Variants in PALLD observed in about 807,000 individuals in gnomAD.
The protein encoded by PALLD is palladin, cytoskeletal associated protein.
PALLD carries 61 observed loss-of-function variants against 123.5 expected under a neutral mutation model. That is an observed-to-expected ratio of 0.49 (90% CI 0.40 to 0.61). The LOEUF (loss-of-function observed/expected upper bound fraction) is 0.61, where lower values mean the gene tolerates loss of function less well. Ranked by LOEUF, PALLD falls within the 20% of genes least tolerant of loss-of-function variation. The probability of loss-of-function intolerance (pLI) is 0.00; values close to 1 mark genes in which losing one functional copy is unlikely to be tolerated. For missense variants in PALLD, 1,273 were observed against 1,377.0 expected (o/e 0.92, Z 1.20); for synonymous variants, 465 against 496.4 (o/e 0.94, Z 0.84).
chr4:168,904,827 T>C (rs1170962184), intron 15 of PALLD, among the ~76,000 whole-genome samples: 4 of 152,142 alleles, frequency 2.6e-5, no homozygotes, highest in African/African-American at 7.2e-5. Flanking sequence ...CACTACAAAC[T>C]TTTAATTAAA....
At chr4:168,592,241 G>T (rs183366999) in intron 2 of PALLD, among the ~76,000 whole-genome samples, 17 of 151,960 alleles carry the variant, frequency 1.1e-4, no homozygotes, top group Admixed American at 1.1e-3. Context: ...GGTCAGGCTC[G>T]TGTCGAACTC....
At position 168,894,468 on chromosome 4, in the gene PALLD, A is replaced by C. The variant is rs564531182; in HGVS notation, c.2101-111A>C. The C allele has an allele frequency of 6.5e-4, 477 of 738,026 alleles. 1 individual carries two copies. The highest frequency in any genetic ancestry group is 9.6e-4 in the Non-Finnish European group (400 of 417,770). The allele number at this position is 738,026 out of a possible 1,614,324, so 45.7% of individuals were successfully genotyped here. The stretch of plus-strand genomic sequence containing the variant: ...TGCAGGTATCTGAAGCTGGAGAGAG[A>C]ACACTTACAGAAAATCATGAAAGTG... On this transcript the variant is annotated intron_variant, in intron 11 of 21. Coordinates refer to ENST00000505667, the MANE Select transcript of PALLD (RefSeq NM_001166108.2).
intron 2 of PALLD, among the ~76,000 whole-genome samples, chr4:168,522,534 T>A (rs1763657400): frequency 6.6e-6 from 1 of 152,232 alleles, no homozygotes; most frequent in Admixed American, 6.5e-5. Context: ...AACATGTTTC[T>A]TCATTTGCCT....
chr4:168,723,144 T>C (rs1347439141), intron 10 of PALLD, among the ~76,000 whole-genome samples: 1 of 152,042 alleles, frequency 6.6e-6, no homozygotes, highest in African/African-American at 2.4e-5. Context: ...GCCAGGATGT[T>C]AGAAGGAACA....
rs1460071786 is a variant in PALLD at position 168,844,457 on chromosome 4, G to C, written c.1965-46465G>C. The stretch of plus-strand genomic sequence containing the variant: ...AGAAGTGGGGAACCCCACAAGCCTT[G>C]AGAATTTCAAGAATTTGTGGATTTC... On this transcript the variant is annotated intron_variant, in intron 10 of 21. Transcript: ENST00000505667. This position sits in a 1 kb window ranked among gnomAD's most constrained non-coding sequence, Gnocchi z 4.5. 1 of 152,224 alleles carries C rather than the reference G, an allele frequency of 6.6e-6. No individual in the cohort carries two copies. Among genetic ancestry groups the C allele is most frequent in the East Asian group, 1.9e-4 (1 of 5,206 alleles). 9.4% of individuals were successfully genotyped at this position (152,224 alleles called of 1,614,324 possible). A position where few individuals can be genotyped will look rare whatever the true frequency, so the allele number is the denominator to read the frequency against.
intron 2 of PALLD, among the ~76,000 whole-genome samples, chr4:168,557,746 T>C (rs1767467538): frequency 6.6e-6 from 1 of 152,198 alleles, no homozygotes; most frequent in African/African-American, 2.4e-5. Flanking sequence ...TAATCCCATG[T>C]AATTCTCAAA....
At chr4:168,797,093 G>A (rs1738619528) in intron 10 of PALLD, among the ~76,000 whole-genome samples, 1 of 152,090 alleles carries the variant, frequency 6.6e-6, no homozygotes, top group African/African-American at 2.4e-5. Context: ...CAGTAGTAAT[G>A]TCAGGTCACT....
chr4:168,875,017 A>G (rs1423252558), intron 10 of PALLD, among the ~76,000 whole-genome samples: 2 of 152,112 alleles, frequency 1.3e-5, no homozygotes, highest in African/African-American at 4.8e-5. Context: ...ATTTGCAACT[A>G]GGGCTATCTA....
chr4:168,642,651 C>G (rs1351009069), intron 2 of PALLD, among the ~76,000 whole-genome samples: 1 of 152,244 alleles, frequency 6.6e-6, no homozygotes, highest in Non-Finnish European at 1.5e-5. Flanking sequence ...ATCCACCCGC[C>G]TTGGTCTCCC....
intron 2 of PALLD, among the ~76,000 whole-genome samples, chr4:168,573,231 C>T (rs764477001): frequency 6.6e-6 from 1 of 151,994 alleles, no homozygotes; most frequent in Non-Finnish European, 1.5e-5. Context: ...AAGTCACCAT[C>T]TCAGGAAGCC....
At chr4:168,747,286 C>A (rs912677754) in intron 10 of PALLD, among the ~76,000 whole-genome samples, 1 of 152,206 alleles carries the variant, frequency 6.6e-6, no homozygotes, top group Admixed American at 6.5e-5. Context: ...TAGGACATTA[C>A]GCTGAGGCTG....
At chr4:168,559,419 G>A (rs1240574448) in intron 2 of PALLD, among the ~76,000 whole-genome samples, 2 of 152,054 alleles carry the variant, frequency 1.3e-5, no homozygotes, top group African/African-American at 2.4e-5. Flanking sequence ...GCTCATGAAC[G>A]AGTAAACTAT....
chr4:168,581,204 C>T lies in PALLD; in HGVS notation c.908+68792C>T, dbSNP rs759098013. On this transcript the variant is annotated intron_variant, in intron 2 of 21. Transcript: ENST00000505667. ...TCTTGGCTGTTGTAGATAACACTAC[C>T]ATGAACGTGGGAGTGCAGATGTCTC... Among the ~76,000 whole-genome samples, 218 of 152,022 alleles carry T rather than the reference C, an allele frequency of 1.4e-3. 4 individuals carry two copies. The highest frequency in any genetic ancestry group is 1.8e-3 in the African/African-American group (73 of 41,528).
At chr4:168,820,758 A>G (rs2150791733) in intron 10 of PALLD, among the ~76,000 whole-genome samples, 1 of 152,230 alleles carries the variant, frequency 6.6e-6, no homozygotes, top group African/African-American at 2.4e-5. Flanking sequence ...AGTAAATAAA[A>G]TGATGGGCTT....
At chr4:168,578,826 A>G (rs1349561744) in intron 2 of PALLD, among the ~76,000 whole-genome samples, 4 of 152,224 alleles carry the variant, frequency 2.6e-5, no homozygotes, top group East Asian at 1.9e-4. Context: ...AAAAACCTAT[A>G]GTAAAGAAAG....
At chr4:168,629,309 C>T (rs1561322368) in intron 2 of PALLD, among the ~76,000 whole-genome samples, 3 of 151,994 alleles carry the variant, frequency 2.0e-5, no homozygotes, top group East Asian at 1.9e-4. Context: ...CCACCGTGCC[C>T]GGCCCTGCCT....
At chr4:168,577,844 C>A (rs1277878149) in intron 2 of PALLD, among the ~76,000 whole-genome samples, 2 of 151,912 alleles carry the variant, frequency 1.3e-5, no homozygotes, top group Non-Finnish European at 2.9e-5. Flanking sequence ...AAGGACAAAC[C>A]CAGCATGCAG....
chr4:168,569,824 T>G (rs898496385), intron 2 of PALLD, among the ~76,000 whole-genome samples: 19 of 152,160 alleles, frequency 1.2e-4, no homozygotes, highest in Admixed American at 2.6e-4. Context: ...CTTCATTAAC[T>G]CTTCTGCTGC....
intron 10 of PALLD, among the ~76,000 whole-genome samples, chr4:168,751,577 A>C (rs370609288): frequency 6.6e-6 from 1 of 152,178 alleles, no homozygotes; most frequent in South Asian, 2.1e-4. Context: ...TAATAGAGTC[A>C]TTACTGAATA....
Sources: allele counts gnomAD v4.1 joint callset (sites outside exome capture counted in the v4.1 genomes callset), GRCh38; gene constraint gnomAD v4.1.1; non-coding constraint Gnocchi (gnomAD v3.1); transcripts MANE v1.5; gene names NCBI Gene and HGNC (gene_info 2026-07-23, HGNC 2026-07-21).